Variants in STK3 observed in about 807,000 individuals in gnomAD.
STK3 encodes serine/threonine-protein kinase 3.
Under a neutral mutation model 58.0 loss-of-function variants are expected in STK3, and 41 were observed. The ratio of observed to expected loss-of-function variants is 0.71; its 90% CI spans 0.55 to 0.92. The LOEUF (loss-of-function observed/expected upper bound fraction) is 0.92, where lower values mean the gene tolerates loss of function less well. STK3 is among the 40% of genes least tolerant of loss of function. STK3 has a pLI of 0.00. For missense variants in STK3, 479 were observed against 602.7 expected, an observed-to-expected ratio of 0.79 and a Z score of 2.15; for synonymous variants, 170 against 191.0, an observed-to-expected ratio of 0.89 and a Z score of 0.91.
chr8:98,646,543 T>C (rs566263945), intron 6 of STK3, among the ~76,000 whole-genome samples: 6 of 152,272 alleles, frequency 3.9e-5, no homozygotes, highest in Admixed American at 3.3e-4. Flanking sequence ...CCAACCCTAA[T>C]ATATACAAAC....
At chr8:98,832,971 G>C (rs575686267) in intron 3 of STK3, among the ~76,000 whole-genome samples, 59 of 152,332 alleles carry the variant, frequency 3.9e-4, no homozygotes, top group African/African-American at 1.3e-3. Flanking sequence ...CTATTGGCTA[G>C]AAATGTGTCA....
At chr8:98,619,652 G>A (rs1480498455) in intron 6 of STK3, among the ~76,000 whole-genome samples, 156 of 122,144 alleles carry the variant, frequency 1.3e-3, no homozygotes, top group African/African-American at 4.6e-3. Context: ...AAAAGTGGGC[G>A]AAGGACATGA....
At chr8:98,926,694 G>A (rs1256937114) in intron 1 of STK3, among the ~76,000 whole-genome samples, 8 of 152,146 alleles carry the variant, frequency 5.3e-5, no homozygotes, top group East Asian at 1.9e-4. Context: ...AATTAAGGCC[G>A]TTAAGAAATA....
intron 1 of STK3, among the ~76,000 whole-genome samples, chr8:98,446,333 G>A (rs143668900): frequency 3.3e-5 from 5 of 152,294 alleles, no homozygotes; most frequent in Non-Finnish European, 5.9e-5. Flanking sequence ...CTTTATTTCT[G>A]TATTTCACAC....
chr8:98,910,753 C>T (rs909602621), intron 1 of STK3, among the ~76,000 whole-genome samples: 4 of 152,294 alleles, frequency 2.6e-5, no homozygotes, highest in African/African-American at 9.6e-5. Flanking sequence ...ACACAGTCTA[C>T]GACCTGCCTG....
At chr8:98,569,117 A>C (rs1812747043) in intron 8 of STK3, among the ~76,000 whole-genome samples, 1 of 152,186 alleles carries the variant, frequency 6.6e-6, no homozygotes, top group Non-Finnish European at 1.5e-5. Flanking sequence ...ATTGCTGAGC[A>C]AGGAAAAAGA....
Position 98,489,281 on chromosome 8 carries a change from T to C in STK3, c.1318-33281A>G, listed in dbSNP as rs564441469. The stretch of plus-strand genomic sequence containing the variant: ...AAAGCTCCCAACACATATGGTGAAA[T>C]TGTTCTTCTGAAAGTTTAAATTTAC... On this transcript the variant is annotated intron_variant, in intron 10 of 10. Transcript: ENST00000419617. 2.6e-5 allele frequency among the ~76,000 whole-genome samples: 4 copies of C among 152,084 alleles called. No individual in the cohort carries two copies. The East Asian group carries it at 7.7e-4, about 29-fold the overall frequency.
chr8:98,649,241 T>G (rs961005044), intron 6 of STK3, among the ~76,000 whole-genome samples: 6 of 152,176 alleles, frequency 3.9e-5, no homozygotes, highest in Non-Finnish European at 2.9e-5. Context: ...ATCGTAGATA[T>G]CAACCATTTA....
intron 10 of STK3, among the ~76,000 whole-genome samples, chr8:98,486,133 G>A (rs542399799): frequency 3.0e-4 from 45 of 152,304 alleles, no homozygotes; most frequent in Middle Eastern, 3.4e-3. Context: ...GCCTTTTGGC[G>A]TTGGGCATGT....
chr8:98,620,790 C>G (rs1406918473), intron 6 of STK3, among the ~76,000 whole-genome samples: 2 of 151,904 alleles, frequency 1.3e-5, no homozygotes, highest in Admixed American at 1.3e-4. Flanking sequence ...AAACCTCTTC[C>G]AAAATGACAA....
chr8:98,440,360 A>G (rs972405471), intron 1 of STK3, among the ~76,000 whole-genome samples: 1 of 152,182 alleles, frequency 6.6e-6, no homozygotes. Flanking sequence ...AATTGTGATA[A>G]AATAGCAGAA....
intron 10 of STK3, among the ~76,000 whole-genome samples, chr8:98,465,110 T>A (rs1462417494): frequency 6.6e-6 from 1 of 152,172 alleles, no homozygotes; most frequent in East Asian, 1.9e-4. Flanking sequence ...TTATTTACAA[T>A]GTGCTGAATA....
chr8:98,558,500 C>A (rs1439633844), intron 8 of STK3, among the ~76,000 whole-genome samples: 1 of 152,026 alleles, frequency 6.6e-6, no homozygotes, highest in Non-Finnish European at 1.5e-5. Context: ...ACTCAATGAA[C>A]AGGTGGTGAT....
At chr8:98,564,178 G>GA (rs1285841060) in intron 8 of STK3, among the ~76,000 whole-genome samples, 14 of 151,046 alleles carry the variant, frequency 9.3e-5, no homozygotes, top group South Asian at 6.3e-4. Flanking sequence ...CTCATCATTA[G>GA]AAAAAAAAAT....
intron 9 of STK3, among the ~76,000 whole-genome samples, chr8:98,541,401 C>T (rs1043499018): frequency 1.1e-4 from 16 of 152,094 alleles, no homozygotes; most frequent in Admixed American, 8.5e-4. Context: ...CCATGTAGGA[C>T]GTGCCAGCTT....
chr8:98,816,513 AAAAC>A (rs770278054), intron 1 of STK3, among the ~76,000 whole-genome samples: 235 of 152,146 alleles, frequency 1.5e-3, no homozygotes, highest in African/African-American at 5.0e-3. Context: ...CCTGTCTCAA[AAAAC>A]AAACAAACAA....
chr8:98,610,909 T>C lies in STK3; in HGVS notation c.685-14740A>G, dbSNP rs184074027. 2.0e-5 allele frequency among the ~76,000 whole-genome samples: 3 copies of C among 152,342 alleles called. No homozygotes were observed. In the East Asian group the frequency reaches 5.8e-4, roughly 29 times the overall value. ...TTACAACCAAAGTGCAAAGACTAAGTTGTTATAGAATCTGTGAAAGTTAAT... is the reference window on the plus strand; with the variant it reads ...TTACAACCAAAGTGCAAAGACTAAGCTGTTATAGAATCTGTGAAAGTTAAT... On this transcript the variant is annotated intron_variant, in intron 6 of 10. Transcript: ENST00000419617.
intron 6 of STK3, among the ~76,000 whole-genome samples, chr8:98,687,114 C>T (rs1824058174): frequency 6.6e-6 from 1 of 152,032 alleles, no homozygotes; most frequent in South Asian, 2.1e-4. Context: ...ATGACTATTC[C>T]CAGGGTACAC....
At chr8:98,598,744 C>A in intron 6 of STK3, 1 of 985,410 alleles carries the variant, frequency 1.0e-6, no homozygotes, top group South Asian at 4.7e-5. Context: ...TATCTTATCT[C>A]TAACACCATT....
Sources: gnomAD v4.1 joint callset for allele counts (sites outside exome capture counted in the v4.1 genomes callset) on GRCh38, gnomAD v4.1.1 for gene constraint, MANE v1.5 for transcripts, NCBI Gene and HGNC (gene_info 2026-07-23, HGNC 2026-07-21) for gene names.